Variants in SLC26A7 observed in about 807,000 individuals in gnomAD.
The protein encoded by SLC26A7 is anion exchange transporter.
A neutral mutation model predicts 82.5 loss-of-function variants in SLC26A7; 59 were observed. The observed-to-expected ratio is 0.72, with a 90% CI of 0.58 to 0.89. The LOEUF is 0.89. SLC26A7 is among the 40% of genes least tolerant of loss of function. The probability of loss-of-function intolerance (pLI) is 0.00; values close to 1 mark genes in which losing one functional copy is unlikely to be tolerated. For missense variants in SLC26A7, 820 were observed against 793.0 expected, an observed-to-expected ratio of 1.03 and a Z score of -0.41; for synonymous variants, 271 against 274.3, an observed-to-expected ratio of 0.99 and a Z score of 0.12.
intron 2 of SLC26A7, among the ~76,000 whole-genome samples, chr8:91,272,512 CA>C (rs1251327507): frequency 2.0e-5 from 3 of 152,170 alleles, no homozygotes; most frequent in Admixed American, 2.0e-4. Context: ...AGTTGTTAGT[CA>C]GCAAAAGTTT....
intron 2 of SLC26A7, among the ~76,000 whole-genome samples, chr8:91,257,601 A>G (rs1358542811): frequency 6.6e-6 from 1 of 151,966 alleles, no homozygotes; most frequent in Non-Finnish European, 1.5e-5. Context: ...TTCTCATTTA[A>G]CACCATTTCT....
chr8:91,332,900 C>T (rs2130828890), intron 5 of SLC26A7, among the ~76,000 whole-genome samples: 1 of 151,672 alleles, frequency 6.6e-6, no homozygotes, highest in East Asian at 1.9e-4. Context: ...TAGTATAAAC[C>T]CATATTTTCT....
At chr8:91,264,570 C>T (rs567898988) in intron 2 of SLC26A7, among the ~76,000 whole-genome samples, 1 of 152,124 alleles carries the variant, frequency 6.6e-6, no homozygotes, top group Admixed American at 6.6e-5. Flanking sequence ...AGTCTCTCCC[C>T]AGTCCTCCCC....
intron 4 of SLC26A7, among the ~76,000 whole-genome samples, chr8:91,295,918 AAC>A (rs1812004792): frequency 6.6e-6 from 1 of 152,204 alleles, no homozygotes; most frequent in African/African-American, 2.4e-5. Context: ...GTTACACAGA[AAC>A]AGTTTTTGGT....
intron 16 of SLC26A7, among the ~76,000 whole-genome samples, chr8:91,392,073 G>T (rs1814985441): frequency 1.3e-5 from 2 of 152,116 alleles, no homozygotes; most frequent in Admixed American, 6.5e-5. Flanking sequence ...TGGTTTTAAA[G>T]ATCTGTACAC....
chr8:91,365,144 T>C (rs993842781), intron 13 of SLC26A7, among the ~76,000 whole-genome samples: 10 of 151,664 alleles, frequency 6.6e-5, no homozygotes, highest in African/African-American at 1.9e-4. Context: ...AATTTGAATA[T>C]CTATTCTTTA....
intron 4 of SLC26A7, among the ~76,000 whole-genome samples, chr8:91,310,816 G>T (rs59045729): frequency 0.05 from 7,612 of 151,330 alleles, 336 homozygotes; most frequent in African/African-American, 0.12. Flanking sequence ...GGGAACACAA[G>T]ACCCGGAAGC....
intron 15 of SLC26A7, among the ~76,000 whole-genome samples, chr8:91,386,542 C>T (rs1814804581): frequency 6.6e-6 from 1 of 152,108 alleles, no homozygotes; most frequent in South Asian, 2.1e-4. Flanking sequence ...TCAAATATGT[C>T]AGTGGTTTAA....
intron 2 of SLC26A7, among the ~76,000 whole-genome samples, chr8:91,228,347 C>T (rs1273343392): frequency 1.3e-5 from 2 of 152,140 alleles, no homozygotes; most frequent in Non-Finnish European, 2.9e-5. Context: ...AGGTGGGATG[C>T]GGAAGGCAAA....
chr8:91,385,800 A>G (rs1411965361), intron 15 of SLC26A7, among the ~76,000 whole-genome samples: 1 of 152,198 alleles, frequency 6.6e-6, no homozygotes, highest in Non-Finnish European at 1.5e-5. Context: ...TTACAAGAAA[A>G]TAAAGGAAAT....
intron 2 of SLC26A7, among the ~76,000 whole-genome samples, chr8:91,274,992 G>A (rs544504251): frequency 6.6e-6 from 1 of 152,184 alleles, no homozygotes; most frequent in African/African-American, 2.4e-5. Flanking sequence ...ATCAGTCATT[G>A]GATAGATACC....
At position 91,340,536 on chromosome 8, in the gene SLC26A7, A is replaced by G. The variant is rs373475058; in HGVS notation, c.1011A>G (p.Ser337=). Residue 337 remains serine, a synonymous_variant, in exon 8 of 19, where the codon TCA becomes TCG. Transcript: ENST00000276609. ...AQGSAKKFKY[S]IDDNQEFLAH... ...GATCTGCCAAAAAATTCAAATATTC[A>G]ATTGATGACAACCAGGTGGAGTGTG... 2.2e-4 allele frequency: 358 copies of G among 1,613,698 alleles called. No homozygotes were observed. The highest frequency in any genetic ancestry group is 2.8e-4 in the Non-Finnish European group (335 of 1,179,892).
chr8:91,374,302 G>A (rs1814447373), intron 15 of SLC26A7, among the ~76,000 whole-genome samples: 1 of 150,112 alleles, frequency 6.7e-6, no homozygotes, highest in African/African-American at 2.4e-5. Flanking sequence ...AGTTCCTTTG[G>A]GTATGATGTT....
chr8:91,341,801 C>G (rs1813423002), intron 8 of SLC26A7, among the ~76,000 whole-genome samples: 1 of 152,164 alleles, frequency 6.6e-6, no homozygotes, highest in African/African-American at 2.4e-5. Flanking sequence ...GCTAACACCA[C>G]CACCTTGCTT....
chr8:91,324,867 A>G (rs1586411170), intron 5 of SLC26A7, among the ~76,000 whole-genome samples: 1 of 152,216 alleles, frequency 6.6e-6, no homozygotes, highest in South Asian at 2.1e-4. Context: ...GATGAGAGAG[A>G]CCCAGCCATA....
chr8:91,291,797 A>G (rs1448757224), intron 3 of SLC26A7, among the ~76,000 whole-genome samples: 3 of 152,226 alleles, frequency 2.0e-5, no homozygotes, highest in African/African-American at 7.2e-5. Context: ...AATAATATGC[A>G]TTTCAAAATA....
chr8:91,394,686 A>G (rs1381390062), intron 18 of SLC26A7: 16 of 1,094,668 alleles, frequency 1.5e-5, no homozygotes, highest in Non-Finnish European at 1.8e-5. Flanking sequence ...AAATAATAAT[A>G]ACACTATTAT....
intron 2 of SLC26A7, among the ~76,000 whole-genome samples, chr8:91,266,784 A>G (rs577752198): frequency 6.6e-6 from 1 of 152,072 alleles, no homozygotes; most frequent in East Asian, 1.9e-4. Flanking sequence ...TGTGTTGAAT[A>G]AAAGTGAAAA....
chr8:91,286,565 C>G (rs984465732), intron 2 of SLC26A7, among the ~76,000 whole-genome samples: 1 of 152,120 alleles, frequency 6.6e-6, no homozygotes, highest in Non-Finnish European at 1.5e-5. Flanking sequence ...TGCTTTTGCT[C>G]TTATCTAAAT....
Sources: gnomAD v4.1 joint callset for allele counts (sites outside exome capture counted in the v4.1 genomes callset) on GRCh38, gnomAD v4.1.1 for gene constraint, MANE v1.5 for transcripts, NCBI Gene and HGNC (gene_info 2026-07-23, HGNC 2026-07-21) for gene names.